Variants in GULP1 observed in about 807,000 individuals in gnomAD.
GULP1 encodes GULP PTB domain containing engulfment adaptor 1.
Under a neutral mutation model 40.9 loss-of-function variants are expected in GULP1, and 19 were observed. That is an observed-to-expected ratio of 0.46 (90% CI 0.32 to 0.68). GULP1 has a LOEUF of 0.68. Among genes scored for constraint, GULP1 ranks in the 30% least tolerant of loss-of-function variants. GULP1 has a pLI of 0.03. For synonymous variants in GULP1, 119 were observed against 117.6 expected (o/e 1.01, Z -0.08); for missense variants, 312 against 362.2 (o/e 0.86, Z 1.12).
chr2:188,455,916 G>C (rs559775457), intron 2 of GULP1, among the ~76,000 whole-genome samples: 1 of 152,208 alleles, frequency 6.6e-6, no homozygotes, highest in Non-Finnish European at 1.5e-5. Context: ...GGAGGAACTT[G>C]TTAGGAACTG....
At position 188,420,930 on chromosome 2, in the gene GULP1, A is replaced by G. The variant is rs1447090297; in HGVS notation, c.-45+37041A>G. ...TAAGTTTCACTGGGGACCTGTCCCT[A>G]TCTGTCTGGGAATTTGTCTGTCTCC... On this transcript the variant is annotated intron_variant, in intron 2 of 11. Coordinates refer to ENST00000409830, the MANE Select transcript of GULP1 (RefSeq NM_016315.4). 3.9e-5 allele frequency among the ~76,000 whole-genome samples: 6 copies of G among 152,234 alleles called. No individual in the cohort carries two copies. In the South Asian group the frequency reaches 1.0e-3, roughly 26 times the overall value.
intron 4 of GULP1, among the ~76,000 whole-genome samples, chr2:188,511,028 G>A (rs557969657): frequency 5.3e-5 from 8 of 152,114 alleles, no homozygotes; most frequent in Admixed American, 1.3e-4. Context: ...TTCATTCTGT[G>A]CTAGTCGCTG....
chr2:188,413,036 C>T (rs2054114104), intron 2 of GULP1, among the ~76,000 whole-genome samples: 1 of 152,154 alleles, frequency 6.6e-6, no homozygotes, highest in Non-Finnish European at 1.5e-5. Flanking sequence ...TGTCCAAATA[C>T]ATTCAGCAAT....
At chr2:188,438,157 T>C (rs1489918422) in intron 2 of GULP1, among the ~76,000 whole-genome samples, 1 of 152,066 alleles carries the variant, frequency 6.6e-6, no homozygotes, top group Non-Finnish European at 1.5e-5. Flanking sequence ...TATTGTGGTT[T>C]GAGAAACCAA....
At chr2:188,369,127 A>AT (rs2047260855) in intron 1 of GULP1, among the ~76,000 whole-genome samples, 1 of 150,598 alleles carries the variant, frequency 6.6e-6, no homozygotes, top group African/African-American at 2.4e-5. Flanking sequence ...CACTCAGCTA[A>AT]TTTTTGTATT....
rs973833922 is a variant in GULP1, at chr2:188,474,919, C to T, written c.-44-2740C>T. Among the ~76,000 whole-genome samples, 4 of 151,932 alleles carry T rather than the reference C, an allele frequency of 2.6e-5. No individual in the cohort carries two copies. The South Asian group carries it at 8.3e-4, about 32-fold the overall frequency. ...CTATAAAGAAGGATTTATGTTACAC[C>T]ATAAATTGAGATAAAGTCAATTTAC... On this transcript the variant is annotated intron_variant, in intron 2 of 11. Transcript: ENST00000409830.
At position 188,462,517 on chromosome 2, in the gene GULP1, C is replaced by T. The variant is rs187775105; in HGVS notation, c.-44-15142C>T. Reference sequence around the variant, plus strand: ...GATATTTCCAGTGCTTATAGTGGGGCGTTGAAGTCTCCCGCTATTATTGGA... The same window carrying T: ...GATATTTCCAGTGCTTATAGTGGGGTGTTGAAGTCTCCCGCTATTATTGGA... On this transcript the variant is annotated intron_variant, in intron 2 of 11. Transcript: ENST00000409830. Among the ~76,000 whole-genome samples the T allele has an allele frequency of 5.0e-4, 76 of 152,150 alleles. 1 individual carries two copies. The highest frequency in any genetic ancestry group is 1.6e-3 in the African/African-American group (67 of 41,530).
At chr2:188,581,854 A>G (rs1444105300) in intron 9 of GULP1, among the ~76,000 whole-genome samples, 1 of 152,164 alleles carries the variant, frequency 6.6e-6, no homozygotes, top group African/African-American at 2.4e-5. Context: ...TATCACTACT[A>G]CTGATACTTC....
chr2:188,339,961 T>G (rs2152132232), intron 1 of GULP1, among the ~76,000 whole-genome samples: 1 of 152,336 alleles, frequency 6.6e-6, no homozygotes, highest in Middle Eastern at 3.4e-3. Context: ...GTTCACTTGT[T>G]GAGTATTAAT....
At chr2:188,343,480 C>T (rs971564802) in intron 1 of GULP1, among the ~76,000 whole-genome samples, 2 of 152,058 alleles carry the variant, frequency 1.3e-5, no homozygotes, top group Non-Finnish European at 2.9e-5. Context: ...CTGATAGCAT[C>T]GTGACTATAT....
intron 1 of GULP1, among the ~76,000 whole-genome samples, chr2:188,342,068 CAT>C (rs768597033): frequency 1.3e-5 from 2 of 152,092 alleles, no homozygotes; most frequent in Non-Finnish European, 2.9e-5. Flanking sequence ...GTAGAAAGAA[CAT>C]AAACAAAAAT....
chr2:188,317,910 T>C (rs993251453), intron 1 of GULP1, among the ~76,000 whole-genome samples: 3 of 152,044 alleles, frequency 2.0e-5, no homozygotes, highest in African/African-American at 7.2e-5. Context: ...GATTTTATGA[T>C]CACAGCTTTT....
At chr2:188,365,156 C>T (rs2046619598) in intron 1 of GULP1, among the ~76,000 whole-genome samples, 1 of 152,130 alleles carries the variant, frequency 6.6e-6, no homozygotes, top group African/African-American at 2.4e-5. Context: ...TCATCATATG[C>T]AGCTGGCTAG....
At chr2:188,434,240 T>G (rs1231831434) in intron 2 of GULP1, among the ~76,000 whole-genome samples, 1 of 151,948 alleles carries the variant, frequency 6.6e-6, no homozygotes. Flanking sequence ...GTCAATGATG[T>G]CAAAACTTTG....
chr2:188,589,794 T>A, intron 11 of GULP1: 1 of 1,103,256 alleles, frequency 9.1e-7, no homozygotes, highest in Non-Finnish European at 1.2e-6. Flanking sequence ...ACTTACAAAT[T>A]TTTAAAGCTG....
chr2:188,455,906 G>A (rs1559261402), intron 2 of GULP1, among the ~76,000 whole-genome samples: 1 of 152,136 alleles, frequency 6.6e-6, no homozygotes, highest in South Asian at 2.1e-4. Flanking sequence ...CAGGTGAAGA[G>A]GAGGAACTTG....
chr2:188,340,551 G>T (rs2042825463), intron 1 of GULP1, among the ~76,000 whole-genome samples: 3 of 152,286 alleles, frequency 2.0e-5, no homozygotes, highest in South Asian at 4.1e-4. Flanking sequence ...GCCTCAGAGG[G>T]CTTGTGTTGC....
chr2:188,465,777 G>C (rs2060059480), intron 2 of GULP1, among the ~76,000 whole-genome samples: 1 of 152,056 alleles, frequency 6.6e-6, no homozygotes, highest in Non-Finnish European at 1.5e-5. Flanking sequence ...ACTCTCCCCA[G>C]TGCACAGCAA....
chr2:188,339,850 G>A (rs759553360), intron 1 of GULP1, among the ~76,000 whole-genome samples: 1 of 152,160 alleles, frequency 6.6e-6, no homozygotes, highest in African/African-American at 2.4e-5. Flanking sequence ...TTGAGCTTCA[G>A]CATCCTTATT....
Sources: allele counts gnomAD v4.1 joint callset (sites outside exome capture counted in the v4.1 genomes callset), GRCh38; gene constraint gnomAD v4.1.1; transcripts MANE v1.5; gene names NCBI Gene and HGNC (gene_info 2026-07-23, HGNC 2026-07-21).